Variants in ALK observed in about 807,000 individuals in gnomAD.
ALK encodes the protein ALK tyrosine kinase receptor.
Under a neutral mutation model 163.1 loss-of-function variants are expected in ALK, and 74 were observed. The observed-to-expected ratio is 0.45, with a 90% CI of 0.38 to 0.55. The LOEUF (loss-of-function observed/expected upper bound fraction) is 0.55. Among genes scored for constraint, ALK ranks in the 20% least tolerant of loss-of-function variants. The pLI is 0.00. For missense variants in ALK, 2,063 were observed against 2,105.3 expected, an observed-to-expected ratio of 0.98 and a Z score of 0.39; for synonymous variants, 960 against 843.2, an observed-to-expected ratio of 1.14 and a Z score of -2.40.
At chr2:29,810,952 C>T (rs1664743626) in intron 1 of ALK, among the ~76,000 whole-genome samples, 1 of 152,104 alleles carries the variant, frequency 6.6e-6, no homozygotes, top group African/African-American at 2.4e-5. Flanking sequence ...CTGCTGTCTG[C>T]AAGCCAGGAA....
chr2:29,811,098 CA>C (rs535521677), intron 1 of ALK, among the ~76,000 whole-genome samples: 31 of 152,100 alleles, frequency 2.0e-4, no homozygotes, highest in African/African-American at 7.0e-4. Context: ...CAGACTACTG[CA>C]GAGTCGAAAG....
chr2:29,280,495 G>GTACA (rs1665684624), intron 9 of ALK, among the ~76,000 whole-genome samples: 1 of 151,898 alleles, frequency 6.6e-6, no homozygotes, highest in Non-Finnish European at 1.5e-5. Flanking sequence ...GTCCATTCTG[G>GTACA]GACTGACGGA....
chr2:29,681,777 C>T (rs1312464075), intron 3 of ALK, among the ~76,000 whole-genome samples: 1 of 149,858 alleles, frequency 6.7e-6, no homozygotes. Flanking sequence ...CCCCCCTCAA[C>T]CTCATCTTTA....
intron 19 of ALK, chr2:29,223,904 G>A (rs1428554482): frequency 1.0e-5 from 4 of 383,746 alleles, no homozygotes; most frequent in South Asian, 3.2e-5. Context: ...AAGGCTGGGT[G>A]AACCAGCAGA....
At chr2:29,591,884 T>C (rs1675069381) in intron 3 of ALK, among the ~76,000 whole-genome samples, 1 of 152,096 alleles carries the variant, frequency 6.6e-6, no homozygotes, top group Non-Finnish European at 1.5e-5. Flanking sequence ...TTTCAGCACC[T>C]GAGTTCATTC....
At position 29,405,509 on chromosome 2, in the gene ALK, C is replaced by T. The variant is rs375858722; in HGVS notation, c.1155-21650G>A. ...GCATTTTCAGCAAAGCGTGTCTCCCCACTTTGTGTTGAGTTCCTACGGCAC... is the reference window on the plus strand; with the variant it reads ...GCATTTTCAGCAAAGCGTGTCTCCCTACTTTGTGTTGAGTTCCTACGGCAC... On this transcript the variant is annotated intron_variant, in intron 4 of 28. Coordinates refer to ENST00000389048, the MANE Select transcript of ALK (RefSeq NM_004304.5). Among the ~76,000 whole-genome samples, 24 of 152,318 alleles carry T rather than the reference C, an allele frequency of 1.6e-4. No individual in the cohort carries two copies. In the East Asian group the frequency reaches 3.5e-3, roughly 22 times the overall value.
At position 29,217,115 on chromosome 2, in the gene ALK, G is replaced by T. The variant is rs146540786; in HGVS notation, c.3646-3034C>A. Among the ~76,000 whole-genome samples, 574 of 80,608 alleles carry T rather than the reference G, an allele frequency of 7.1e-3. 5 individuals carry two copies. Among genetic ancestry groups the T allele is most frequent in the African/African-American group, 0.022 (491 of 22,132 alleles). The allele number at this position is 80,608 out of a possible 152,430, so 52.9% of individuals were successfully genotyped here. ...TATGTCTATGTGGTGTGTCTGTGGG[G>T]GGGGGGCGTGTGTGGTGTGTGTGTG... On this transcript the variant is annotated intron_variant, in intron 23 of 28. Transcript: ENST00000389048.
chr2:29,868,481 G>A (rs1476770246), intron 1 of ALK, among the ~76,000 whole-genome samples: 2 of 152,180 alleles, frequency 1.3e-5, no homozygotes, highest in African/African-American at 4.8e-5. Flanking sequence ...AAAAAACAAA[G>A]CAAGGAAGAG....
intron 4 of ALK, among the ~76,000 whole-genome samples, chr2:29,399,310 T>G (rs917342032): frequency 1.3e-5 from 2 of 152,148 alleles, no homozygotes; most frequent in Non-Finnish European, 1.5e-5. Flanking sequence ...TCTGTCAAAT[T>G]CCGAGTCCAC....
intron 1 of ALK, chr2:29,907,195 G>A (rs1319742571): frequency 2.0e-5 from 3 of 152,064 alleles, no homozygotes; most frequent in Non-Finnish European, 2.9e-5. Flanking sequence ...TCTGCACCTA[G>A]ATTGAATGGT....
At chr2:29,418,696 T>G (rs915744273) in intron 4 of ALK, among the ~76,000 whole-genome samples, 3 of 152,216 alleles carry the variant, frequency 2.0e-5, no homozygotes, top group Non-Finnish European at 4.4e-5. Flanking sequence ...TCCAGTTCCA[T>G]CCATCTTGCC....
At chr2:29,459,637 G>A (rs1671038832) in intron 4 of ALK, among the ~76,000 whole-genome samples, 1 of 151,968 alleles carries the variant, frequency 6.6e-6, no homozygotes. Flanking sequence ...CAGAGGTAGA[G>A]GACTTTGCTT....
At position 29,418,601 on chromosome 2, in the gene ALK, A is replaced by G. The variant is rs567147915; in HGVS notation, c.1155-34742T>C. ...TATTCCACTCTGTGTATCTATGTGT[A>G]CCCACTGTTTAGCTCCCACGTATAA... On this transcript the variant is annotated intron_variant, in intron 4 of 28. Transcript: ENST00000389048. Among the ~76,000 whole-genome samples the G allele has an allele frequency of 2.6e-5, 4 of 152,226 alleles. No individual in the cohort carries two copies. The South Asian group carries it at 6.2e-4, about 24-fold the overall frequency.
At chr2:29,620,703 G>C (rs1165171882) in intron 3 of ALK, among the ~76,000 whole-genome samples, 6 of 152,080 alleles carry the variant, frequency 3.9e-5, no homozygotes, top group African/African-American at 1.4e-4. Flanking sequence ...AATAGCCAAT[G>C]GCTTCACATC....
At chr2:29,686,799 G>T (rs1237504953) in intron 3 of ALK, among the ~76,000 whole-genome samples, 1 of 152,138 alleles carries the variant, frequency 6.6e-6, no homozygotes, top group African/African-American at 2.4e-5. Context: ...TCCCTGGAAG[G>T]TCCACCCCTG....
chr2:29,717,569 T>C lies in ALK; in HGVS notation c.787+9A>G, dbSNP rs1314906198. On this transcript the variant is annotated intron_variant, in intron 2 of 28. Coordinates refer to ENST00000389048, the MANE Select transcript of ALK (RefSeq NM_004304.5). ...GTGTATCTCAAGTAAATATTAAACA[T>C]ATACTTACCATATCGGCTGCGATGA... 6.2e-7 allele frequency: 1 copy of C among 1,613,908 alleles called. No individual in the cohort carries two copies. The highest frequency in any genetic ancestry group is 1.1e-5 in the South Asian group (1 of 91,076).
At chr2:29,745,806 CAG>C (rs1420030632) in intron 1 of ALK, among the ~76,000 whole-genome samples, 1 of 152,116 alleles carries the variant, frequency 6.6e-6, no homozygotes, top group Non-Finnish European at 1.5e-5. Context: ...TAGTGCCTGG[CAG>C]AGAGTAGGTG....
chr2:29,680,195 G>A (rs903824686), intron 3 of ALK, among the ~76,000 whole-genome samples: 1 of 151,748 alleles, frequency 6.6e-6, no homozygotes, highest in Non-Finnish European at 1.5e-5. Context: ...ATTTTCTGAG[G>A]CACTTGGATG....
intron 3 of ALK, among the ~76,000 whole-genome samples, chr2:29,593,257 A>G (rs548891467): frequency 1.3e-5 from 2 of 152,318 alleles, no homozygotes; most frequent in South Asian, 4.1e-4. Context: ...TAAGGATGTC[A>G]GGAGGTCAGA....
Sources: gnomAD v4.1 joint callset for allele counts (sites outside exome capture counted in the v4.1 genomes callset) on GRCh38, gnomAD v4.1.1 for gene constraint, MANE v1.5 for transcripts, NCBI Gene and HGNC (gene_info 2026-07-23, HGNC 2026-07-21) for gene names.